Variants in GRIN2B observed in about 807,000 individuals in gnomAD.
GRIN2B encodes glutamate receptor ionotropic, NMDA 2B.
Under a neutral mutation model 114.5 loss-of-function variants are expected in GRIN2B, and 5 were observed. That is an observed-to-expected ratio of 0.04 (90% CI 0.02 to 0.09). GRIN2B has a LOEUF of 0.09. Ranked by LOEUF, GRIN2B falls within the 10% of genes least tolerant of loss-of-function variation. The probability of loss-of-function intolerance (pLI) is 1.00; values close to 1 mark genes in which losing one functional copy is unlikely to be tolerated. For missense variants in GRIN2B, 1,108 were observed against 1,943.5 expected, an observed-to-expected ratio of 0.57 and a Z score of 8.08; for synonymous variants, 787 against 745.1, an observed-to-expected ratio of 1.06 and a Z score of -0.92.
chr12:13,653,392 ATTTGAAAGGCATTACTTT>A (rs1949835936), intron 5 of GRIN2B, among the ~76,000 whole-genome samples: 1 of 152,104 alleles, frequency 6.6e-6, no homozygotes, highest in Non-Finnish European at 1.5e-5. Context: ...GGCTATGCAG[ATTTGAAAGGCATTACTTT>A]TAGACAGGCA....
chr12:13,822,734 A>C (rs1316173851), intron 3 of GRIN2B, among the ~76,000 whole-genome samples: 1 of 152,154 alleles, frequency 6.6e-6, no homozygotes, highest in Non-Finnish European at 1.5e-5. Context: ...ATTTTAAGTC[A>C]AAATATATAA....
At chr12:13,717,770 T>C (rs1466481031) in intron 4 of GRIN2B, among the ~76,000 whole-genome samples, 1 of 151,974 alleles carries the variant, frequency 6.6e-6, no homozygotes, top group Non-Finnish European at 1.5e-5. Flanking sequence ...GAGGTGGAAG[T>C]AGAGGCACAG....
At chr12:13,583,551 C>A (rs186129280) in intron 10 of GRIN2B, among the ~76,000 whole-genome samples, 18 of 152,180 alleles carry the variant, frequency 1.2e-4, no homozygotes, top group Admixed American at 3.3e-4. Flanking sequence ...GAATCCAGTG[C>A]CTGAATTAGT....
At chr12:13,735,214 A>C (rs148629296) in intron 4 of GRIN2B, among the ~76,000 whole-genome samples, 1 of 152,260 alleles carries the variant, frequency 6.6e-6, no homozygotes, top group African/African-American at 2.4e-5. Flanking sequence ...ACATGGTTAC[A>C]ACTTCTTTCT....
chr12:13,810,452 C>T (rs1344250274), intron 3 of GRIN2B, among the ~76,000 whole-genome samples: 1 of 152,054 alleles, frequency 6.6e-6, no homozygotes, highest in Non-Finnish European at 1.5e-5. Context: ...TCAGTAGCTT[C>T]GAGGTCTATC....
intron 5 of GRIN2B, among the ~76,000 whole-genome samples, chr12:13,668,641 C>T (rs375692295): frequency 2.0e-5 from 3 of 151,972 alleles, no homozygotes; most frequent in Non-Finnish European, 4.4e-5. Flanking sequence ...AATCCAGTGG[C>T]CCCGTGTCAT....
At chr12:13,923,761 T>C (rs1866865055) in intron 2 of GRIN2B, among the ~76,000 whole-genome samples, 1 of 152,132 alleles carries the variant, frequency 6.6e-6, no homozygotes, top group South Asian at 2.1e-4. Flanking sequence ...TTAAGGGCCA[T>C]ATTTGCTGAT....
chr12:13,849,005 A>G (rs1205127179), intron 3 of GRIN2B, among the ~76,000 whole-genome samples: 1 of 148,416 alleles, frequency 6.7e-6, no homozygotes, highest in African/African-American at 2.5e-5. Context: ...CAGAAACTGC[A>G]GGGCCAAATG....
At chr12:13,873,629 G>A (rs1386329528) in intron 2 of GRIN2B, among the ~76,000 whole-genome samples, 1 of 152,144 alleles carries the variant, frequency 6.6e-6, no homozygotes, top group East Asian at 1.9e-4. Flanking sequence ...TCTTTCTTCA[G>A]AAAGGAGCAA....
At chr12:13,762,406 G>GT (rs1337144192) in intron 3 of GRIN2B, among the ~76,000 whole-genome samples, 2 of 152,228 alleles carry the variant, frequency 1.3e-5, no homozygotes, top group Non-Finnish European at 2.9e-5. Flanking sequence ...CAAAAGAACT[G>GT]TGATTATTAC....
chr12:13,952,794 G>A (rs12828473), intron 2 of GRIN2B, among the ~76,000 whole-genome samples: 56,000 of 150,952 alleles, frequency 0.37, 11,730 homozygotes, highest in Middle Eastern at 0.52. Context: ...GTTTTTTTGC[G>A]TGCTTTATAA....
rs1948444982 is a variant in GRIN2B at position 13,553,682 on chromosome 12, A to G, written c.*9101T>C. 6.6e-6 allele frequency: 1 copy of G among 152,200 alleles called. No homozygotes were observed. Among genetic ancestry groups the G allele is most frequent in the Admixed American group, 6.5e-5 (1 of 15,278 alleles). 9.4% of individuals were successfully genotyped at this position (152,200 alleles called of 1,614,324 possible). ...TTGGTGCTGAAAGTGTTAAAAAAGA[A>G]GCTAAATATTGGATCACAGATCAGT... On this transcript the variant is annotated 3_prime_UTR_variant, in exon 14 of 14. Coordinates refer to ENST00000609686, the MANE Select transcript of GRIN2B (RefSeq NM_000834.5).
intron 3 of GRIN2B, among the ~76,000 whole-genome samples, chr12:13,771,280 A>G (rs943941839): frequency 6.6e-6 from 1 of 152,194 alleles, no homozygotes; most frequent in Non-Finnish European, 1.5e-5. Flanking sequence ...TGAAACTGTG[A>G]GTCAATTAAA....
intron 2 of GRIN2B, among the ~76,000 whole-genome samples, chr12:13,910,328 G>A (rs1204143732): frequency 6.6e-6 from 1 of 152,138 alleles, no homozygotes; most frequent in African/African-American, 2.4e-5. Context: ...TAGAGTATTT[G>A]CAAGAATCTA....
chr12:13,850,470 A>C (rs980848603), intron 3 of GRIN2B, among the ~76,000 whole-genome samples: 12 of 152,140 alleles, frequency 7.9e-5, no homozygotes, highest in Admixed American at 5.9e-4. Context: ...AGAGAATTGG[A>C]ATTCCCATGC....
intron 10 of GRIN2B, among the ~76,000 whole-genome samples, chr12:13,607,296 A>AATAT (rs1949274754): frequency 4.8e-5 from 3 of 63,058 alleles, no homozygotes; most frequent in African/African-American, 2.3e-4. Flanking sequence ...TATTATATAA[A>AATAT]AATATATATT....
intron 5 of GRIN2B, among the ~76,000 whole-genome samples, chr12:13,655,104 C>T (rs1015641718): frequency 1.3e-5 from 2 of 152,004 alleles, no homozygotes; most frequent in Admixed American, 1.3e-4. Context: ...TTGAGAAACC[C>T]AGAGAAGTTA....
chr12:13,813,873 T>C (rs1864775179), intron 3 of GRIN2B, among the ~76,000 whole-genome samples: 1 of 152,226 alleles, frequency 6.6e-6, no homozygotes, highest in African/African-American at 2.4e-5. Context: ...TTGCTTTTCA[T>C]TAAGTTGAAC....
intron 4 of GRIN2B, among the ~76,000 whole-genome samples, chr12:13,752,453 T>A (rs1446040668): frequency 6.6e-6 from 1 of 152,266 alleles, no homozygotes; most frequent in East Asian, 1.9e-4. Context: ...TTATCTCCAA[T>A]TAGTTGGATT....
Sources: allele counts gnomAD v4.1 joint callset (sites outside exome capture counted in the v4.1 genomes callset), GRCh38; gene constraint gnomAD v4.1.1; transcripts MANE v1.5; gene names NCBI Gene and HGNC (gene_info 2026-07-23, HGNC 2026-07-21).